PIWIL2: variants seen among roughly 807,000 people sequenced by gnomAD.
The protein encoded by PIWIL2 is piwi-like protein 2.
Under a neutral mutation model 116.5 loss-of-function variants are expected in PIWIL2, and 81 were observed. The observed-to-expected ratio is 0.70, with a 90% CI of 0.58 to 0.84. The LOEUF is 0.84. Ranked by LOEUF, PIWIL2 falls within the 40% of genes least tolerant of loss-of-function variation. PIWIL2 has a pLI of 0.00. For synonymous variants in PIWIL2, 489 were observed against 429.5 expected, an observed-to-expected ratio of 1.14 and a Z score of -1.71; for missense variants, 1,272 against 1,212.3, an observed-to-expected ratio of 1.05 and a Z score of -0.73.
At chr8:22,307,874 T>TAAA in intron 13 of PIWIL2, 59 bp from the exon 14 acceptor site, 1 of 1,389,620 alleles carries the variant, frequency 7.2e-7, no homozygotes, top group Non-Finnish European at 9.9e-7. Context: ...CTGGGGTTTA[T>TAAA]TTAACTTCAT....
chr8:22,303,681 A>G (rs1257784504), intron 10 of PIWIL2, among the ~76,000 whole-genome samples: 5 of 152,212 alleles, frequency 3.3e-5, no homozygotes, highest in South Asian at 2.1e-4. Context: ...ACTGTGAGCC[A>G]TCATGCCTGG....
In PIWIL2 at chr8:22,304,780, C is replaced by T; in HGVS notation, c.1371-4C>T. On this transcript the variant is annotated splice_region_variant and splice_polypyrimidine_tract_variant and intron_variant, in intron 11 of 22. Coordinates refer to ENST00000356766, the MANE Select transcript of PIWIL2 (RefSeq NM_018068.5). ...AATTTTTTCCTGCCTCTACTCTGCT[C>T]TAGCAAAAATTATGGGATCACAGTT... is the stretch of plus-strand genomic sequence containing the variant. The T allele has an allele frequency of 1.2e-6, 2 of 1,608,596 alleles. No homozygotes were observed. Among genetic ancestry groups the T allele is most frequent in the Admixed American group, 1.7e-5 (1 of 59,996 alleles).
chr8:22,297,119 G>A (rs1251429328), intron 10 of PIWIL2, among the ~76,000 whole-genome samples: 2 of 151,988 alleles, frequency 1.3e-5, no homozygotes, highest in Admixed American at 1.3e-4. Context: ...CTCCCAAGTA[G>A]CTGGGACTAC....
At chr8:22,304,748 C>G (rs1172111728) in intron 11 of PIWIL2, 36 bp from the exon 12 acceptor site, 1 of 1,239,554 alleles carries the variant, frequency 8.1e-7, no homozygotes, top group African/African-American at 1.5e-5. Flanking sequence ...ATTGATGCTG[C>G]TTCTGAAATT....
chr8:22,338,446 T>C (rs1052661781), intron 20 of PIWIL2, among the ~76,000 whole-genome samples: 6 of 152,138 alleles, frequency 3.9e-5, no homozygotes, highest in Non-Finnish European at 7.4e-5. Context: ...ATCTTAGCAC[T>C]TTAGAAGACC....
At chr8:22,291,917 AAG>A (rs968541998) in intron 10 of PIWIL2, among the ~76,000 whole-genome samples, 1 of 152,160 alleles carries the variant, frequency 6.6e-6, no homozygotes, top group Non-Finnish European at 1.5e-5. Context: ...AAAAAAGAAA[AAG>A]AGCACACGGT....
At chr8:22,353,334 G>A (rs1464247618) in intron 21 of PIWIL2, 122 bp downstream of exon 21, 13 of 866,490 alleles carry the variant, frequency 1.5e-5, no homozygotes, top group African/African-American at 6.8e-5. Flanking sequence ...AGAGGCTACC[G>A]TTAAAAGAAT....
chr8:22,305,240 T>A (rs1831147958), intron 12 of PIWIL2, among the ~76,000 whole-genome samples: 1 of 151,738 alleles, frequency 6.6e-6, no homozygotes, highest in African/African-American at 2.4e-5. Flanking sequence ...TCACCCAGGC[T>A]GTAGTGCAGC....
At chr8:22,306,573 A>G (rs898701587) in intron 13 of PIWIL2, among the ~76,000 whole-genome samples, 1 of 151,676 alleles carries the variant, frequency 6.6e-6, no homozygotes, top group Non-Finnish European at 1.5e-5. Context: ...GTGAGTCCAG[A>G]CCCCAGAGCC....
chr8:22,296,347 C>T (rs1049752100), intron 10 of PIWIL2, among the ~76,000 whole-genome samples: 2 of 152,094 alleles, frequency 1.3e-5, no homozygotes, highest in Non-Finnish European at 2.9e-5. Flanking sequence ...GCCTGGCCCC[C>T]TCTTCCCTTC....
chr8:22,299,694 A>G (rs1359865890), intron 10 of PIWIL2, among the ~76,000 whole-genome samples: 1 of 152,170 alleles, frequency 6.6e-6, no homozygotes, highest in African/African-American at 2.4e-5. Flanking sequence ...GAGTTTTGAT[A>G]TATGGATATA....
chr8:22,304,173 C>G lies in PIWIL2; in HGVS notation c.1334C>G (p.Ser445Cys). Residue 445 changes from serine (S) to cysteine (C), a missense_variant, in exon 11 of 23, where the codon TCT becomes TGT. By Grantham distance (112) the Ser-to-Cys change is moderately radical. Coordinates refer to ENST00000356766, the MANE Select transcript of PIWIL2 (RefSeq NM_018068.5). ...ACTCCAAAGGATAGCTTCACGATGT[C>G]TGATGGGAAAGAGATCACATTCTTG... ...NKTPKDSFTM[S>C]DGKEITFLEY... is the part of the protein sequence containing the mutation. 6.2e-7 allele frequency: 1 copy of G among 1,613,506 alleles called. No individual in the cohort carries two copies. The highest frequency in any genetic ancestry group is 8.5e-7 in the Non-Finnish European group (1 of 1,179,620).
intron 15 of PIWIL2, among the ~76,000 whole-genome samples, chr8:22,310,796 G>T (rs990554506): frequency 5.9e-5 from 9 of 152,022 alleles, no homozygotes; most frequent in Non-Finnish European, 1.3e-4. Context: ...ACCAATTTCT[G>T]TACTTTACAT....
rs1432445310 is a variant in PIWIL2 at position 22,308,042 on chromosome 8, G to C, written c.1655G>C (p.Trp552Ser). ...NEAATNELMR[W>S]GLRLQKDVHK... ...GCAGCCACCAATGAACTGATGCGTT[G>C]GGGGCTCCGTCTGCAAAAGGATGTA... Residue 552 changes from tryptophan (W) to serine (S), a missense_variant, in exon 14 of 23, where the codon TGG becomes TCG. Transcript: ENST00000356766. 6.2e-7 allele frequency: 1 copy of C among 1,613,802 alleles called. No individual in the cohort carries two copies. The highest frequency in any genetic ancestry group is 8.5e-7 in the Non-Finnish European group (1 of 1,179,912).
chr8:22,317,625 C>G (rs957370509), intron 19 of PIWIL2, among the ~76,000 whole-genome samples: 8 of 151,772 alleles, frequency 5.3e-5, no homozygotes, highest in Non-Finnish European at 1.2e-4. Flanking sequence ...TAGGAAATAT[C>G]CACAATTACA....
intron 10 of PIWIL2, among the ~76,000 whole-genome samples, chr8:22,298,721 T>G (rs1457725160): frequency 2.6e-5 from 4 of 152,246 alleles, no homozygotes; most frequent in Non-Finnish European, 5.9e-5. Flanking sequence ...AATTTCTTGC[T>G]TACTGCAGTT....
intron 11 of PIWIL2, among the ~76,000 whole-genome samples, chr8:22,304,532 A>T (rs900063423): frequency 2.6e-5 from 4 of 152,150 alleles, no homozygotes; most frequent in African/African-American, 9.7e-5. Context: ...CTATTGCCTG[A>T]ACCCTTTAGC....
Position 22,296,020 on chromosome 8 carries a change from C to CTTTTTTTTTTT in PIWIL2, c.1181+5702_1181+5712dup, listed in dbSNP as rs67357452. ...ACTGTCTTGGGGTTCCTCTTCCCTTCTTTTTTTTTTTTTTTTTTTTTTTTT... is the reference window on the plus strand; with the variant it reads ...ACTGTCTTGGGGTTCCTCTTCCCTTCTTTTTTTTTTTTTTTTTTTTTTTTTTTTTTTTTTTT... On this transcript the variant is annotated intron_variant, in intron 10 of 22. Coordinates refer to ENST00000356766, the MANE Select transcript of PIWIL2 (RefSeq NM_018068.5). Among the ~76,000 whole-genome samples the CTTTTTTTTTTT allele has an allele frequency of 1.8e-4, 19 of 102,836 alleles. 1 individual carries two copies. Among genetic ancestry groups the CTTTTTTTTTTT allele is most frequent in the East Asian group, 4.9e-4 (2 of 4,056 alleles). 67.5% of individuals were successfully genotyped at this position (102,836 alleles called of 152,430 possible).
At chr8:22,296,233 G>C (rs1830903556) in intron 10 of PIWIL2, among the ~76,000 whole-genome samples, 1 of 151,624 alleles carries the variant, frequency 6.6e-6, no homozygotes, top group Admixed American at 6.6e-5. Context: ...TTTTTGTAGA[G>C]ACAGGGTCTC....
Sources: gnomAD v4.1 joint callset for allele counts (sites outside exome capture counted in the v4.1 genomes callset) on GRCh38, gnomAD v4.1.1 for gene constraint, MANE v1.5 for transcripts, NCBI Gene and HGNC (gene_info 2026-07-23, HGNC 2026-07-21) for gene names.